PREX2: variants seen among roughly 807,000 people sequenced by gnomAD.
PREX2 encodes the protein phosphatidylinositol 3,4,5-trisphosphate-dependent Rac exchanger 2 protein.
A neutral mutation model predicts 203.2 loss-of-function variants in PREX2; 107 were observed. The observed-to-expected ratio is 0.53, with a 90% confidence interval of 0.45 to 0.62. The LOEUF is 0.62. PREX2 is among the 20% of genes least tolerant of loss of function. PREX2 has a pLI of 0.00. For missense variants in PREX2, 1,777 were observed against 1,955.9 expected, an observed-to-expected ratio of 0.91 and a Z score of 1.72; for synonymous variants, 672 against 663.6, an observed-to-expected ratio of 1.01 and a Z score of -0.19.
At chr8:68,118,320 A>G (rs1301931558) in intron 26 of PREX2, among the ~76,000 whole-genome samples, 4 of 150,802 alleles carry the variant, frequency 2.7e-5, no homozygotes, top group African/African-American at 7.4e-5. Flanking sequence ...GCACCACTGC[A>G]CTCCAGTCTG....
At position 68,213,029 on chromosome 8, in the gene PREX2, G is replaced by A. The variant is rs138564470; in HGVS notation, c.4605-4587G>A. Among the ~76,000 whole-genome samples the A allele has an allele frequency of 4.4e-3, 671 of 152,244 alleles. 6 individuals are homozygous for A. Among genetic ancestry groups the A allele is most frequent in the African/African-American group, 0.016 (647 of 41,522 alleles). The stretch of plus-strand genomic sequence containing the variant: ...GTATTACATCATGACCTCTGGCCCT[G>A]CACCTCTTTTCCAGCATTGGATGAC... On this transcript the variant is annotated intron_variant, in intron 37 of 39. Coordinates refer to ENST00000288368, the MANE Select transcript of PREX2 (RefSeq NM_024870.4).
At chr8:68,157,227 T>TAATAATCAATA (rs1811558681) in intron 34 of PREX2, 95 bp from the exon 35 acceptor site, 1 of 558,234 alleles carries the variant, frequency 1.8e-6, no homozygotes, top group African/African-American at 1.9e-5. Flanking sequence ...ATTGGTCCTA[T>TAATAATCAATA]TTGCTAAATT....
At chr8:68,043,748 T>G (rs1808264074) in intron 7 of PREX2, among the ~76,000 whole-genome samples, 1 of 152,090 alleles carries the variant, frequency 6.6e-6, no homozygotes, top group Non-Finnish European at 1.5e-5. Flanking sequence ...ATTTTTCCTG[T>G]GTGCTTAATG....
In PREX2 at chr8:68,069,148, TC is replaced by T; in HGVS notation, c.1443+15del. On this transcript the variant is annotated intron_variant, in intron 12 of 39. Coordinates refer to ENST00000288368, the MANE Select transcript of PREX2 (RefSeq NM_024870.4). Reference sequence around the variant, plus strand: ...ACGTGATTTCAAAGGTAACGACCTCTCCCACAACCTCTCCAATAGTAGAATG... The same window carrying T: ...ACGTGATTTCAAAGGTAACGACCTCTCCACAACCTCTCCAATAGTAGAATG... 3 of 1,233,294 alleles carry T rather than the reference TC, an allele frequency of 2.4e-6. No individual in the cohort carries two copies. Among genetic ancestry groups the T allele is most frequent in the Non-Finnish European group, 3.5e-6 (3 of 858,912 alleles). 76.4% of individuals were successfully genotyped at this position (1,233,294 alleles called of 1,614,324 possible). A position where few individuals can be genotyped will look rare whatever the true frequency, so the allele number is the denominator to read the frequency against.
rs548157235 is a variant in PREX2 at position 68,038,934 on chromosome 8, G to C, written c.839+642G>C. Among the ~76,000 whole-genome samples, 247 of 152,030 alleles carry C rather than the reference G, an allele frequency of 1.6e-3. 1 individual carries two copies. Among genetic ancestry groups the C allele is most frequent in the Non-Finnish European group, 2.4e-3 (165 of 68,006 alleles). On this transcript the variant is annotated intron_variant, in intron 7 of 39. Coordinates refer to ENST00000288368, the MANE Select transcript of PREX2 (RefSeq NM_024870.4). ...ATTACACCTGAGTCTCCTGTCCTAG[G>C]GCCATACTTTTACCTTGTCAATACC...
At position 68,105,496 on chromosome 8, in the gene PREX2, A is replaced by G. The variant is rs1810383897; in HGVS notation, c.2716-2613A>G. On this transcript the variant is annotated intron_variant, in intron 23 of 39. Coordinates refer to ENST00000288368, the MANE Select transcript of PREX2 (RefSeq NM_024870.4). Reference sequence around the variant, plus strand: ...AGTTGGAAAGCCAGTCCCCCTAGCAAGAGAATCTTCTGCCAGCTCTCCCCG... The same window carrying G: ...AGTTGGAAAGCCAGTCCCCCTAGCAGGAGAATCTTCTGCCAGCTCTCCCCG... 6.9e-6 allele frequency: 8 copies of G among 1,160,530 alleles called. No homozygotes were observed. In the South Asian group the frequency reaches 1.1e-4, roughly 15 times the overall value. The allele number at this position is 1,160,530 out of a possible 1,614,324, so 71.9% of individuals were successfully genotyped here. A position where few individuals can be genotyped will look rare whatever the true frequency, so the allele number is the denominator to read the frequency against.
At chr8:67,985,014 T>C (rs1394165849) in intron 1 of PREX2, among the ~76,000 whole-genome samples, 2 of 152,046 alleles carry the variant, frequency 1.3e-5, no homozygotes, top group Non-Finnish European at 2.9e-5. Context: ...TTTTTTTTTT[T>C]TTCTTGCCTT....
chr8:68,227,040 G>A (rs1813069740), intron 39 of PREX2, among the ~76,000 whole-genome samples: 2 of 152,218 alleles, frequency 1.3e-5, no homozygotes, highest in Admixed American at 1.3e-4. Context: ...AGCCAGATCA[G>A]AGAGACTTGT....
At chr8:68,224,656 C>T (rs374512944) in intron 39 of PREX2, 30 bp downstream of exon 39, 42 of 1,571,400 alleles carry the variant, frequency 2.7e-5, no homozygotes, top group African/African-American at 8.1e-5. Context: ...TGCCCTTGCC[C>T]GAAAGATTTG....
intron 35 of PREX2, among the ~76,000 whole-genome samples, chr8:68,157,947 AGT>A (rs1488510961): frequency 3.3e-5 from 5 of 151,880 alleles, no homozygotes; most frequent in African/African-American, 1.2e-4. Context: ...CCCAAAAAAT[AGT>A]GTTACTGGTA....
chr8:67,976,599 CAG>C lies in PREX2; in HGVS notation c.141+24076_141+24077del, dbSNP rs1345898612. Among the ~76,000 whole-genome samples, 360 of 57,510 alleles carry C rather than the reference CAG, an allele frequency of 6.3e-3. 25 individuals carry two copies. In the Middle Eastern group the frequency reaches 0.1, roughly 17 times the overall value. The allele number at this position is 57,510 out of a possible 152,430, so 37.7% of individuals were successfully genotyped here. On this transcript the variant is annotated intron_variant, in intron 1 of 39. Transcript: ENST00000288368. Reference sequence around the variant, plus strand: ...GACAGAGAGAGAGATGGGAGAGAGACAGAGAGAGAGAGACAGAGACAGAGAGA... The same window carrying C: ...GACAGAGAGAGAGATGGGAGAGAGACAGAGAGAGAGACAGAGACAGAGAGA...
At chr8:68,081,305 G>C (rs1410448343) in intron 17 of PREX2, among the ~76,000 whole-genome samples, 1 of 152,160 alleles carries the variant, frequency 6.6e-6, no homozygotes, top group Non-Finnish European at 1.5e-5. Flanking sequence ...AGGAGGTGGA[G>C]CTCAGGGTTT....
chr8:68,134,367 C>CAGAG (rs1454851317), intron 32 of PREX2, 91 bp downstream of exon 32: 5 of 1,026,084 alleles, frequency 4.9e-6, no homozygotes, highest in Non-Finnish European at 7.3e-6. Flanking sequence ...TTCTTTCCCG[C>CAGAG]TGGTTATCTC....
At chr8:68,154,834 T>C (rs1811509092) in intron 34 of PREX2, among the ~76,000 whole-genome samples, 1 of 152,180 alleles carries the variant, frequency 6.6e-6, no homozygotes, top group African/African-American at 2.4e-5. Flanking sequence ...GATTACCCAA[T>C]AATTCAGTGA....
chr8:68,107,956 T>C (rs1810451595), intron 23 of PREX2, 153 bp from the exon 24 acceptor site: 29 of 597,256 alleles, frequency 4.9e-5, no homozygotes, highest in Non-Finnish European at 6.4e-5. Context: ...GAAATCACAA[T>C]GGAATTTCTA....
At chr8:68,064,137 G>T (rs1808947247) in intron 11 of PREX2, among the ~76,000 whole-genome samples, 1 of 152,106 alleles carries the variant, frequency 6.6e-6, no homozygotes, top group Non-Finnish European at 1.5e-5. Context: ...CAATATACAT[G>T]TTGTCTAGTG....
intron 35 of PREX2, among the ~76,000 whole-genome samples, chr8:68,174,074 A>G (rs917504340): frequency 2.0e-5 from 3 of 152,142 alleles, no homozygotes; most frequent in African/African-American, 7.2e-5. Flanking sequence ...ATCTTAGTCA[A>G]GCTCCTTCAG....
In PREX2 at chr8:68,157,410, G is replaced by C; in HGVS notation, c.4320G>C (p.Lys1440Asn). 2.5e-6 allele frequency: 4 copies of C among 1,609,836 alleles called. No individual in the cohort carries two copies. The highest frequency in any genetic ancestry group is 3.4e-6 in the Non-Finnish European group (4 of 1,176,620). ...QAQINAASLE[K>N]VKQYNQKLRA... Reference sequence around the variant, plus strand: ...AGATAAATGCAGCCTCACTGGAAAAGGTCAAACAGTACAACCAGAAGCTCA... The same window carrying C: ...AGATAAATGCAGCCTCACTGGAAAACGTCAAACAGTACAACCAGAAGCTCA... Residue 1440 changes from lysine to asparagine, a missense_variant, in exon 35 of 40, where the codon AAG (lysine) becomes AAC (asparagine). By Grantham distance (94) the Lys-to-Asn change is moderately conservative. Coordinates refer to ENST00000288368, the MANE Select transcript of PREX2 (RefSeq NM_024870.4).
chr8:68,120,813 C>A, intron 29 of PREX2, 108 bp from the exon 30 acceptor site: 1 of 849,164 alleles, frequency 1.2e-6, no homozygotes, highest in South Asian at 2.0e-5. Flanking sequence ...AAATGACCAC[C>A]ATGTCAATAG....
Sources: gnomAD v4.1 joint callset for allele counts (sites outside exome capture counted in the v4.1 genomes callset) on GRCh38, gnomAD v4.1.1 for gene constraint, MANE v1.5 for transcripts, NCBI Gene and HGNC (gene_info 2026-07-23, HGNC 2026-07-21) for gene names.